DIAPH2: variants seen among roughly 807,000 people sequenced by gnomAD.
DIAPH2 encodes protein diaphanous homolog 2.
In DIAPH2, 35 loss-of-function variants were observed where a neutral mutation model predicts 92.7. The observed-to-expected ratio is 0.38, with a 90% CI of 0.29 to 0.50. DIAPH2 has a LOEUF of 0.50. Among genes scored for constraint, DIAPH2 ranks in the 20% least tolerant of loss-of-function variants. DIAPH2 has a pLI of 0.94. For missense variants in DIAPH2, 701 were observed against 819.5 expected, an observed-to-expected ratio of 0.86 and a Z score of 1.77; for synonymous variants, 301 against 280.4, an observed-to-expected ratio of 1.07 and a Z score of -0.73.
chrX:96,952,898 G>A (rs774276067), intron 15 of DIAPH2, among the ~76,000 whole-genome samples: 105 of 109,858 alleles, frequency 9.6e-4, no homozygotes, highest in African/African-American at 3.4e-3. Flanking sequence ...CAAGGTGGGA[G>A]GATTCCTTGA....
intron 1 of DIAPH2, among the ~76,000 whole-genome samples, chrX:96,712,831 A>AT (rs1439858596): frequency 9.0e-6 from 1 of 110,998 alleles, no homozygotes; most frequent in Non-Finnish European, 1.9e-5. Flanking sequence ...AGTTCTATTT[A>AT]TTTTTTTCCA....
chrX:96,931,465 A>T (rs776534697), intron 10 of DIAPH2, among the ~76,000 whole-genome samples: 1 of 111,726 alleles, frequency 9.0e-6, no homozygotes, highest in Non-Finnish European at 1.9e-5. Context: ...TATTTTATTA[A>T]GTATATTAAC....
chrX:97,119,302 G>A (rs1020356505), intron 21 of DIAPH2, among the ~76,000 whole-genome samples: 7 of 111,143 alleles, frequency 6.3e-5, no homozygotes, highest in East Asian at 5.7e-4. Context: ...CCTGAGAGCC[G>A]AGCTGCAGGA....
At chrX:96,962,361 A>G (rs1307375734) in intron 16 of DIAPH2, among the ~76,000 whole-genome samples, 6 of 71,846 alleles carry the variant, frequency 8.4e-5, no homozygotes, top group Non-Finnish European at 1.5e-4. Context: ...ACACATATAT[A>G]TATACACATA....
chrX:96,856,004 T>C (rs2065037217), intron 4 of DIAPH2, among the ~76,000 whole-genome samples: 1 of 111,864 alleles, frequency 8.9e-6, no homozygotes, highest in African/African-American at 3.2e-5. Context: ...AAATGGAGTA[T>C]TGAGAAGGAA....
At chrX:97,495,259 C>T (rs1414555291) in intron 26 of DIAPH2, among the ~76,000 whole-genome samples, 3 of 112,225 alleles carry the variant, frequency 2.7e-5, no homozygotes. Context: ...CTGGTCTTCT[C>T]ATAAAGGTAT....
chrX:97,341,753 A>G (rs758402075), intron 23 of DIAPH2, among the ~76,000 whole-genome samples: 4 of 111,507 alleles, frequency 3.6e-5, no homozygotes, highest in Non-Finnish European at 5.6e-5. Context: ...CAGAAGAGAG[A>G]GAGAGCATTC....
chrX:96,767,176 C>T (rs1248219403), intron 4 of DIAPH2, among the ~76,000 whole-genome samples: 2 of 111,223 alleles, frequency 1.8e-5, no homozygotes, highest in Non-Finnish European at 3.8e-5. Flanking sequence ...TTTATATATT[C>T]CTTAAGGGCT....
At chrX:97,414,793 A>G (rs186866013) in intron 25 of DIAPH2, among the ~76,000 whole-genome samples, 239 of 111,940 alleles carry the variant, frequency 2.1e-3, no homozygotes, top group Admixed American at 0.012. Context: ...ACCATTCAGG[A>G]CATGGGCATG....
Position 97,185,455 on chromosome X carries a change from G to GTA in DIAPH2, c.2719+43676_2719+43677dup, listed in dbSNP as rs1328942682. 3.0e-3 allele frequency among the ~76,000 whole-genome samples: 27 copies of GTA among 9,120 alleles called. 3 individuals are homozygous for GTA. Among genetic ancestry groups the GTA allele is most frequent in the East Asian group, 0.02 (5 of 254 alleles). 7.9% of individuals were successfully genotyped at this position (9,120 alleles called of 115,157 possible). ...TATATGTGTATATATATATGTGTGTGTATATATATATATATACACATATAT... is the reference window on the plus strand; with the variant it reads ...TATATGTGTATATATATATGTGTGTGTATATATATATATATATACACATATAT... On this transcript the variant is annotated intron_variant, in intron 22 of 26. Coordinates refer to ENST00000324765, the MANE Select transcript of DIAPH2 (RefSeq NM_006729.5).
chrX:97,262,186 T>C (rs754779789), intron 23 of DIAPH2, among the ~76,000 whole-genome samples: 2 of 109,288 alleles, frequency 1.8e-5, no homozygotes, highest in African/African-American at 3.3e-5. Flanking sequence ...TAGTATAATA[T>C]CATACAATGA....
At chrX:97,063,295 A>G (rs1478420572) in intron 17 of DIAPH2, among the ~76,000 whole-genome samples, 2 of 111,333 alleles carry the variant, frequency 1.8e-5, no homozygotes, top group Non-Finnish European at 1.9e-5. Flanking sequence ...TTTTATGTGC[A>G]TAGAATAAGA....
At chrX:97,241,836 C>T (rs1236311359) in intron 22 of DIAPH2, among the ~76,000 whole-genome samples, 2 of 90,763 alleles carry the variant, frequency 2.2e-5, no homozygotes, top group African/African-American at 4.4e-5. Context: ...AGTGCAGTGG[C>T]GCGATCTAGG....
intron 19 of DIAPH2, among the ~76,000 whole-genome samples, chrX:97,088,785 C>A (rs1331565818): frequency 8.9e-6 from 1 of 112,038 alleles, no homozygotes; most frequent in African/African-American, 3.2e-5. Flanking sequence ...TAAATATTTA[C>A]ATAAGGTTTT....
At chrX:96,772,178 AT>A (rs2064343483) in intron 4 of DIAPH2, among the ~76,000 whole-genome samples, 1 of 112,610 alleles carries the variant, frequency 8.9e-6, no homozygotes, top group African/African-American at 3.2e-5. Flanking sequence ...TTGAACAAAC[AT>A]TAGTTCCTTT....
chrX:96,939,924 A>G (rs11796144), intron 12 of DIAPH2, among the ~76,000 whole-genome samples: 37,376 of 86,502 alleles, frequency 0.43, 7,849 homozygotes, highest in South Asian at 0.55. Flanking sequence ...CGGCCTCCCA[A>G]AGTGCTGGGA....
intron 1 of DIAPH2, among the ~76,000 whole-genome samples, chrX:96,698,616 G>T (rs918661420): frequency 9.1e-6 from 1 of 109,745 alleles, no homozygotes; most frequent in African/African-American, 3.3e-5. Flanking sequence ...CTTCCCCAAA[G>T]AAAAAGCCCC....
intron 17 of DIAPH2, among the ~76,000 whole-genome samples, chrX:97,025,357 A>C (rs763727775): frequency 7.9e-4 from 85 of 107,429 alleles, no homozygotes; most frequent in Non-Finnish European, 1.5e-3. Context: ...CTCACACACA[A>C]AAAAAGAGTT....
intron 17 of DIAPH2, among the ~76,000 whole-genome samples, chrX:97,014,226 T>C (rs1000010293): frequency 9.0e-6 from 1 of 111,367 alleles, no homozygotes; most frequent in Non-Finnish European, 1.9e-5. Context: ...GAAGGGATGG[T>C]GATCATTGTT....
Sources: allele counts gnomAD v4.1 joint callset (sites outside exome capture counted in the v4.1 genomes callset), GRCh38; gene constraint gnomAD v4.1.1; transcripts MANE v1.5; gene names NCBI Gene and HGNC (gene_info 2026-07-23, HGNC 2026-07-21).